CNTN5: variants seen among roughly 807,000 people sequenced by gnomAD.
CNTN5 encodes contactin-5.
A neutral mutation model predicts 129.1 loss-of-function variants in CNTN5; 77 were observed. The ratio of observed to expected loss-of-function variants is 0.60; its 90% CI spans 0.50 to 0.72. CNTN5 has a LOEUF of 0.72. Among genes scored for constraint, CNTN5 ranks in the 30% least tolerant of loss-of-function variants. The probability of loss-of-function intolerance (pLI) is 0.00; values close to 1 mark genes in which losing one functional copy is unlikely to be tolerated. For synonymous variants in CNTN5, 509 were observed against 465.6 expected (o/e 1.09, Z -1.20); for missense variants, 1,478 against 1,328.8 (o/e 1.11, Z -1.75).
At chr11:99,280,398 G>T (rs899446184) in intron 1 of CNTN5, among the ~76,000 whole-genome samples, 2 of 151,696 alleles carry the variant, frequency 1.3e-5, no homozygotes, top group African/African-American at 4.8e-5. Context: ...AGGATCACAG[G>T]TGACATGATT....
chr11:99,805,672 T>C (rs1407347888), intron 3 of CNTN5, among the ~76,000 whole-genome samples: 1 of 152,144 alleles, frequency 6.6e-6, no homozygotes, highest in Non-Finnish European at 1.5e-5. Context: ...CGGGAAAGAA[T>C]GAATTAGGGT....
chr11:99,825,199 C>T (rs1167805257), intron 4 of CNTN5, among the ~76,000 whole-genome samples: 4 of 151,942 alleles, frequency 2.6e-5, no homozygotes, highest in African/African-American at 4.8e-5. Flanking sequence ...CTGCCAGACT[C>T]TTTAATTTCT....
At chr11:99,460,137 C>T (rs1193834046) in intron 2 of CNTN5, among the ~76,000 whole-genome samples, 2 of 151,502 alleles carry the variant, frequency 1.3e-5, no homozygotes, top group Non-Finnish European at 3.0e-5. Context: ...GAATGTCGTG[C>T]TAAACCAGGA....
intron 2 of CNTN5, among the ~76,000 whole-genome samples, chr11:99,418,793 C>T (rs966595378): frequency 3.3e-5 from 5 of 152,122 alleles, no homozygotes; most frequent in African/African-American, 1.2e-4. Flanking sequence ...CGAATCATGT[C>T]GTGATCCTGA....
At position 99,821,034 on chromosome 11, in the gene CNTN5, T is replaced by A. The variant is rs538871299; in HGVS notation, c.277+1269T>A. 1.3e-4 allele frequency among the ~76,000 whole-genome samples: 20 copies of A among 152,328 alleles called. 1 individual carries two copies. In the South Asian group the frequency reaches 3.7e-3, roughly 28 times the overall value. On this transcript the variant is annotated intron_variant, in intron 4 of 24. Transcript: ENST00000524871. Reference sequence around the variant, plus strand: ...TGATGTTAGAACTCCAGAAATGTTTTATTTTCCAAAGTACTTACATTTAAT... The same window carrying A: ...TGATGTTAGAACTCCAGAAATGTTTAATTTTCCAAAGTACTTACATTTAAT...
intron 3 of CNTN5, among the ~76,000 whole-genome samples, chr11:99,728,746 G>A (rs942477579): frequency 6.6e-6 from 1 of 152,152 alleles, no homozygotes; most frequent in African/African-American, 2.4e-5. Flanking sequence ...GGCCTTGGAT[G>A]TCAGCTTTGC....
intron 2 of CNTN5, among the ~76,000 whole-genome samples, chr11:99,405,130 C>T (rs1050738001): frequency 6.6e-6 from 1 of 152,064 alleles, no homozygotes; most frequent in Non-Finnish European, 1.5e-5. Context: ...TTTCTTTTCT[C>T]TTGCTGCTTT....
chr11:99,643,669 G>A (rs1423350997), intron 3 of CNTN5, among the ~76,000 whole-genome samples: 2 of 152,036 alleles, frequency 1.3e-5, no homozygotes, highest in Non-Finnish European at 2.9e-5. Flanking sequence ...GGCTCTTACT[G>A]TTATTCCACA....
chr11:100,355,363 ATCTCT>A (rs1342085511), intron 24 of CNTN5, among the ~76,000 whole-genome samples: 7 of 151,718 alleles, frequency 4.6e-5, no homozygotes, highest in Admixed American at 4.0e-4. Flanking sequence ...TAGAGCTATC[ATCTCT>A]TGTGATAATA....
intron 2 of CNTN5, among the ~76,000 whole-genome samples, chr11:99,360,199 C>G (rs1427523039): frequency 6.6e-6 from 1 of 152,210 alleles, no homozygotes; most frequent in Non-Finnish European, 1.5e-5. Context: ...TTCCAGCCAG[C>G]CTTGCCACTT....
At chr11:100,031,481 C>T (rs988468329) in intron 9 of CNTN5, among the ~76,000 whole-genome samples, 5 of 152,084 alleles carry the variant, frequency 3.3e-5, no homozygotes, top group Non-Finnish European at 5.9e-5. Context: ...ATGAGGGGCG[C>T]CTGTCCATAC....
chr11:99,251,618 T>C (rs1220243431), intron 1 of CNTN5, among the ~76,000 whole-genome samples: 1 of 152,102 alleles, frequency 6.6e-6, no homozygotes, highest in African/African-American at 2.4e-5. Flanking sequence ...TCTTTGGAAA[T>C]TGCTGATTTC....
At chr11:99,594,028 T>C (rs556133591) in intron 3 of CNTN5, among the ~76,000 whole-genome samples, 46 of 152,346 alleles carry the variant, frequency 3.0e-4, no homozygotes, top group African/African-American at 1.1e-3. Context: ...GCATTTTAAC[T>C]GGGATGTTCT....
At chr11:99,866,692 G>T (rs932166907) in intron 6 of CNTN5, among the ~76,000 whole-genome samples, 1 of 152,200 alleles carries the variant, frequency 6.6e-6, no homozygotes, top group African/African-American at 2.4e-5. Context: ...GTATGAATCT[G>T]ACTCAGGATT....
At chr11:99,310,939 T>A (rs1308715012) in intron 1 of CNTN5, among the ~76,000 whole-genome samples, 1 of 1,328 alleles carries the variant, frequency 7.5e-4, no homozygotes, top group African/African-American at 1.3e-3. Flanking sequence ...TTATTTATTA[T>A]TTTTTTTTTT....
intron 2 of CNTN5, among the ~76,000 whole-genome samples, chr11:99,399,330 T>C (rs1008753819): frequency 6.6e-6 from 1 of 151,774 alleles, no homozygotes; most frequent in African/African-American, 2.4e-5. Context: ...AAATTCTAAA[T>C]TATGAGATCC....
chr11:100,014,573 C>A (rs1297670190), intron 9 of CNTN5, among the ~76,000 whole-genome samples: 1 of 151,788 alleles, frequency 6.6e-6, no homozygotes, highest in African/African-American at 2.4e-5. Context: ...GAGTGAGACT[C>A]CGTCTCAAAA....
intron 1 of CNTN5, among the ~76,000 whole-genome samples, chr11:99,032,005 G>A (rs2135094114): frequency 6.8e-6 from 1 of 147,020 alleles, no homozygotes; most frequent in African/African-American, 2.5e-5. Context: ...CTATGAGTGA[G>A]AATATGCGGT....
At chr11:99,533,249 G>T (rs1947781058) in intron 2 of CNTN5, among the ~76,000 whole-genome samples, 1 of 152,070 alleles carries the variant, frequency 6.6e-6, no homozygotes, top group African/African-American at 2.4e-5. Flanking sequence ...ACAAACAAAT[G>T]ACAACAACAA....
Sources: gnomAD v4.1 joint callset for allele counts (sites outside exome capture counted in the v4.1 genomes callset) on GRCh38, gnomAD v4.1.1 for gene constraint, MANE v1.5 for transcripts, NCBI Gene and HGNC (gene_info 2026-07-23, HGNC 2026-07-21) for gene names.